Variants in LRP1B observed in about 807,000 individuals in gnomAD.
LRP1B encodes low-density lipoprotein receptor-related protein 1B.
A neutral mutation model predicts 556.6 loss-of-function variants in LRP1B; 217 were observed. The ratio of observed to expected loss-of-function variants is 0.39; its 90% CI spans 0.35 to 0.44. The LOEUF (loss-of-function observed/expected upper bound fraction) is 0.44, where lower values mean the gene tolerates loss of function less well. Ranked by LOEUF, LRP1B falls within the 20% of genes least tolerant of loss-of-function variation. The probability of loss-of-function intolerance (pLI) is 1.00; values close to 1 mark genes in which losing one functional copy is unlikely to be tolerated. For missense variants in LRP1B, 5,053 were observed against 5,620.8 expected (o/e 0.90, Z 3.23); for synonymous variants, 2,047 against 1,865.8 (o/e 1.10, Z -2.50).
chr2:141,491,572 C>A (rs1216277793), intron 2 of LRP1B, among the ~76,000 whole-genome samples: 3 of 152,214 alleles, frequency 2.0e-5, no homozygotes, highest in African/African-American at 7.2e-5. Context: ...GCAGGGATAA[C>A]TCCCTGGGAG....
At chr2:140,363,140 A>T (rs1030881811) in intron 72 of LRP1B, among the ~76,000 whole-genome samples, 5 of 151,648 alleles carry the variant, frequency 3.3e-5, no homozygotes, top group African/African-American at 1.2e-4. Context: ...CTGGAAATAG[A>T]GTGTATGAAA....
intron 2 of LRP1B, among the ~76,000 whole-genome samples, chr2:141,807,303 G>A (rs1345446486): frequency 2.0e-5 from 3 of 151,886 alleles, no homozygotes; most frequent in Non-Finnish European, 2.9e-5. Context: ...ATTTCAATTG[G>A]TATTGATGGA....
chr2:140,474,615 G>A (rs1433890727), intron 60 of LRP1B, among the ~76,000 whole-genome samples: 1 of 151,872 alleles, frequency 6.6e-6, no homozygotes, highest in Non-Finnish European at 1.5e-5. Flanking sequence ...CTATATCCGT[G>A]TCATGTTTAA....
rs755243219 is a variant in LRP1B at position 141,015,691 on chromosome 2, T to G, written c.2190+5A>C. 6.2e-7 allele frequency: 1 copy of G among 1,606,346 alleles called. No homozygotes were observed. The highest frequency in any genetic ancestry group is 1.1e-5 in the South Asian group (1 of 90,820). On this transcript the variant is annotated splice_donor_5th_base_variant and intron_variant, in intron 13 of 90. Transcript: ENST00000389484. ...GGGTTAAAAACAGCAGCATTTGTCT[T>G]TTACCTTCCTGTGAGTCCCATTCAA...
chr2:141,292,028 G>C (rs563152847), intron 3 of LRP1B, among the ~76,000 whole-genome samples: 1 of 152,158 alleles, frequency 6.6e-6, no homozygotes, highest in African/African-American at 2.4e-5. Flanking sequence ...TGTTAGGAAC[G>C]AGGCTGCGCA....
intron 1 of LRP1B, among the ~76,000 whole-genome samples, chr2:141,972,571 CAT>C (rs1273129510): frequency 1.5e-5 from 2 of 131,966 alleles, no homozygotes; most frequent in African/African-American, 6.1e-5. Flanking sequence ...AATCCACAAA[CAT>C]GTGAATGCAG....
At chr2:141,727,648 T>C (rs1038944416) in intron 2 of LRP1B, among the ~76,000 whole-genome samples, 5 of 152,180 alleles carry the variant, frequency 3.3e-5, no homozygotes, top group Non-Finnish European at 1.5e-5. Flanking sequence ...TAAATTCTAC[T>C]ATTCTTTCCA....
At chr2:142,032,375 A>G (rs555621627) in intron 1 of LRP1B, among the ~76,000 whole-genome samples, 1 of 151,878 alleles carries the variant, frequency 6.6e-6, no homozygotes, top group South Asian at 2.1e-4. Context: ...ATTATATATC[A>G]TCAATTTCTT....
chr2:140,492,296 T>C (rs1313542397), intron 57 of LRP1B, among the ~76,000 whole-genome samples: 1 of 152,114 alleles, frequency 6.6e-6, no homozygotes, highest in African/African-American at 2.4e-5. Flanking sequence ...TTGCTGAAAA[T>C]ACACCACAGG....
At position 140,456,438 on chromosome 2, in the gene LRP1B, C is replaced by T. The variant is rs1687109983; in HGVS notation, c.9963+17G>A. The T allele has an allele frequency of 6.2e-7, 1 of 1,608,854 alleles. No individual in the cohort carries two copies. The highest frequency in any genetic ancestry group is 1.1e-5 in the South Asian group (1 of 90,308). On this transcript the variant is annotated intron_variant, in intron 62 of 90. Transcript: ENST00000389484. ...TCACCATACACTCTATAATAAGATT[C>T]CCAGACCTCCACTCACCTGGCTGGC...
intron 31 of LRP1B, among the ~76,000 whole-genome samples, chr2:140,820,779 T>C (rs1482548374): frequency 6.6e-6 from 1 of 152,110 alleles, no homozygotes; most frequent in Non-Finnish European, 1.5e-5. Context: ...GCTAAATATT[T>C]CCTTATGTTA....
chr2:141,138,578 A>T (rs1558886274), intron 7 of LRP1B, among the ~76,000 whole-genome samples: 1 of 143,258 alleles, frequency 7.0e-6, no homozygotes, highest in Non-Finnish European at 1.5e-5. Context: ...TATAAATGTC[A>T]TTTTTTTTTT....
At chr2:140,898,069 GC>G (rs1694002299) in intron 23 of LRP1B, among the ~76,000 whole-genome samples, 1 of 152,156 alleles carries the variant, frequency 6.6e-6, no homozygotes. Context: ...GAAAGGGTCT[GC>G]CCCATAACCT....
intron 20 of LRP1B, among the ~76,000 whole-genome samples, chr2:140,947,273 G>A (rs1291776026): frequency 2.6e-5 from 4 of 152,156 alleles, no homozygotes; most frequent in Non-Finnish European, 4.4e-5. Flanking sequence ...TATATGGAAT[G>A]TTCCATTTCC....
At chr2:141,393,863 AC>A (rs1472582032) in intron 3 of LRP1B, among the ~76,000 whole-genome samples, 1 of 152,152 alleles carries the variant, frequency 6.6e-6, no homozygotes, top group Non-Finnish European at 1.5e-5. Context: ...TGTATTTTTG[AC>A]GAATATTTCA....
chr2:140,781,115 C>G (rs922911073), intron 32 of LRP1B, among the ~76,000 whole-genome samples: 1 of 152,112 alleles, frequency 6.6e-6, no homozygotes, highest in Non-Finnish European at 1.5e-5. Flanking sequence ...TGGCATGGTA[C>G]AGGGTCAGTA....
Position 140,612,261 on chromosome 2 carries a change from T to C in LRP1B, c.6800-10622A>G, listed in dbSNP as rs1035912514. ...AAGTGTATGTTATTTTTAAATATGT[T>C]CATATCACCACTTTTACTTCAATCA... On this transcript the variant is annotated intron_variant, in intron 41 of 90. Coordinates refer to ENST00000389484, the MANE Select transcript of LRP1B (RefSeq NM_018557.3). 4.6e-5 allele frequency among the ~76,000 whole-genome samples: 7 copies of C among 152,258 alleles called. No homozygotes were observed. The East Asian group carries it at 1.4e-3, about 29-fold the overall frequency.
intron 7 of LRP1B, among the ~76,000 whole-genome samples, chr2:141,186,057 C>T (rs113382074): frequency 0.045 from 4,917 of 108,454 alleles, 142 homozygotes; most frequent in Admixed American, 0.13. Flanking sequence ...CCAGCTTGAG[C>T]GATAGAACGA....
At position 141,391,398 on chromosome 2, in the gene LRP1B, A is replaced by G. The variant is rs139445584; in HGVS notation, c.343+88998T>C. Among the ~76,000 whole-genome samples, 440 of 152,316 alleles carry G rather than the reference A, an allele frequency of 2.9e-3. 2 individuals are homozygous for G. The Middle Eastern group carries it at 0.034, about 12-fold the overall frequency. Reference sequence around the variant, plus strand: ...TACAGAATGTCAGGTTAAGGTAGTGAAGGACAGTATTACAAGAAGGGAGCA... The same window carrying G: ...TACAGAATGTCAGGTTAAGGTAGTGGAGGACAGTATTACAAGAAGGGAGCA... On this transcript the variant is annotated intron_variant, in intron 3 of 90. Transcript: ENST00000389484.
Sources: gnomAD v4.1 joint callset for allele counts (sites outside exome capture counted in the v4.1 genomes callset) on GRCh38, gnomAD v4.1.1 for gene constraint, MANE v1.5 for transcripts, NCBI Gene and HGNC (gene_info 2026-07-23, HGNC 2026-07-21) for gene names.